The following ZMIZ1 variants were observed in gnomAD, a reference collection of about 807,000 sequenced individuals.
ZMIZ1 encodes zinc finger MIZ domain-containing protein 1.
In ZMIZ1, 17 loss-of-function variants were observed where a neutral mutation model predicts 113.9. That is an observed-to-expected ratio of 0.15 (90% CI 0.10 to 0.22). The LOEUF is 0.22. Ranked by LOEUF, ZMIZ1 falls within the 10% of genes least tolerant of loss-of-function variation. ZMIZ1 has a pLI of 1.00. For synonymous variants in ZMIZ1, 607 were observed against 603.1 expected (o/e 1.01, Z -0.09); for missense variants, 1,059 against 1,477.8 (o/e 0.72, Z 4.65).
rs775529229 is a variant in ZMIZ1, at chr10:79,201,724, G to A, written c.60+32G>A. The A allele has an allele frequency of 2.9e-5, 46 of 1,607,172 alleles. No homozygotes were observed. In the East Asian group the frequency reaches 3.3e-4, roughly 12 times the overall value. On this transcript the variant is annotated intron_variant, in intron 5 of 24. Transcript: ENST00000334512. Reference sequence around the variant, plus strand: ...GTGGGGCAAGGCACACTCCGAGGGCGGGGCAGATGGGGCGGGCTGCAGCAG... The same window carrying A: ...GTGGGGCAAGGCACACTCCGAGGGCAGGGCAGATGGGGCGGGCTGCAGCAG...
intron 14 of ZMIZ1, 67 bp downstream of exon 14, chr10:79,297,757 T>C (rs1283018232): frequency 2.8e-6 from 4 of 1,422,838 alleles, no homozygotes; most frequent in Admixed American, 1.7e-5. Flanking sequence ...GTTCTCACTG[T>C]TCCTGCTCCA....
intron 1 of ZMIZ1, among the ~76,000 whole-genome samples, chr10:79,096,680 C>T (rs1192476423): frequency 6.6e-6 from 1 of 152,144 alleles, no homozygotes; most frequent in Non-Finnish European, 1.5e-5. Flanking sequence ...TCAGTCAATG[C>T]CTGCTTTCAG....
chr10:79,312,966 C>T lies in ZMIZ1; in HGVS notation c.*217C>T, dbSNP rs1441410470. 2 of 572,276 alleles carry T rather than the reference C, an allele frequency of 3.5e-6. No homozygotes were observed. Among genetic ancestry groups the T allele is most frequent in the Non-Finnish European group, 3.1e-6 (1 of 320,514 alleles). 35.4% of individuals were successfully genotyped at this position (572,276 alleles called of 1,614,324 possible). The stretch of plus-strand genomic sequence containing the variant: ...GGCTGTGTGGGTCTGGAGCCCACGT[C>T]CCACCTCCACACCCTTGGCTTGGGC... On this transcript the variant is annotated 3_prime_UTR_variant, in exon 25 of 25. Transcript: ENST00000334512.
rs1392174518 is a variant in ZMIZ1, at chr10:79,296,373, TGAG to T, written c.1231-94_1231-92del. On this transcript the variant is annotated intron_variant, in intron 12 of 24. Coordinates refer to ENST00000334512, the MANE Select transcript of ZMIZ1 (RefSeq NM_020338.4). The surrounding 1 kb of genome is among the most constrained non-coding windows in gnomAD (Gnocchi z 4.1). ...GTGGGTGGGAAACAGCAGGAGCAAA[TGAG>T]GAGAGGCGGGCCCCATCCCGTTGTT... 7.5e-7 allele frequency: 1 copy of T among 1,327,028 alleles called. No individual in the cohort carries two copies. Among genetic ancestry groups the T allele is most frequent in the South Asian group, 1.3e-5 (1 of 79,116 alleles). The allele number at this position is 1,327,028 out of a possible 1,614,324, so 82.2% of individuals were successfully genotyped here. A position where few individuals can be genotyped will look rare whatever the true frequency, so the allele number is the denominator to read the frequency against.
chr10:79,101,722 C>T (rs536035456), intron 1 of ZMIZ1, among the ~76,000 whole-genome samples: 36 of 152,244 alleles, frequency 2.4e-4, no homozygotes, highest in African/African-American at 7.5e-4. Context: ...GGCCAGGTGA[C>T]GGCCGTCCTG....
intron 4 of ZMIZ1, among the ~76,000 whole-genome samples, chr10:79,196,323 C>T (rs181489545): frequency 2.4e-4 from 37 of 152,354 alleles, no homozygotes; most frequent in African/African-American, 8.4e-4. Context: ...CCCAGACACT[C>T]ACCCCTCGGT....
intron 4 of ZMIZ1, among the ~76,000 whole-genome samples, chr10:79,172,488 C>G (rs1459268728): frequency 6.6e-6 from 1 of 152,170 alleles, no homozygotes; most frequent in Non-Finnish European, 1.5e-5. Flanking sequence ...TTTATTTGAT[C>G]CCAGTGACAC....
intron 1 of ZMIZ1, among the ~76,000 whole-genome samples, chr10:79,100,418 C>T (rs933762140): frequency 9.3e-5 from 12 of 129,090 alleles, no homozygotes; most frequent in Non-Finnish European, 1.9e-4. Flanking sequence ...ACATCCTGGG[C>T]AACATAGACA....
At chr10:79,233,088 C>T (rs963855134) in intron 7 of ZMIZ1, among the ~76,000 whole-genome samples, 3 of 152,198 alleles carry the variant, frequency 2.0e-5, no homozygotes, top group African/African-American at 7.2e-5. Context: ...AATTCAATTA[C>T]ACACCACACT....
At chr10:79,277,893 C>A (rs1342115640) in intron 8 of ZMIZ1, among the ~76,000 whole-genome samples, 1 of 152,240 alleles carries the variant, frequency 6.6e-6, no homozygotes, top group Non-Finnish European at 1.5e-5. Flanking sequence ...TCTTTTGAGT[C>A]CCTTGCTGAG....
At chr10:79,171,273 A>T (rs1239695118) in intron 4 of ZMIZ1, among the ~76,000 whole-genome samples, 3 of 152,210 alleles carry the variant, frequency 2.0e-5, no homozygotes. Flanking sequence ...CCAGAGAAGG[A>T]ATTCTTCACT....
chr10:79,130,617 T>C (rs899778976), intron 2 of ZMIZ1, among the ~76,000 whole-genome samples: 1 of 152,104 alleles, frequency 6.6e-6, no homozygotes, highest in Non-Finnish European at 1.5e-5. Flanking sequence ...GAAAGCGCCA[T>C]GGTTGGTGCA....
At chr10:79,157,368 GGTGTGTGTGTGTGT>G (rs10573955) in intron 3 of ZMIZ1, among the ~76,000 whole-genome samples, 3 of 147,700 alleles carry the variant, frequency 2.0e-5, no homozygotes, top group South Asian at 2.2e-4. Context: ...AGGCATAAGG[GGTGTGTGTGTGTGT>G]GTGTGTGTGT....
intron 7 of ZMIZ1, among the ~76,000 whole-genome samples, chr10:79,274,536 ATTAACC>A (rs1360354297): frequency 6.6e-6 from 1 of 152,218 alleles, no homozygotes; most frequent in Non-Finnish European, 1.5e-5. Flanking sequence ...GGGTGTTGTC[ATTAACC>A]CACGTTTGCC....
intron 7 of ZMIZ1, among the ~76,000 whole-genome samples, chr10:79,258,141 G>A (rs1851037367): frequency 6.6e-6 from 1 of 152,190 alleles, no homozygotes. Flanking sequence ...CAGCACTTTG[G>A]GAGGCTGAGA....
intron 1 of ZMIZ1, among the ~76,000 whole-genome samples, chr10:79,113,500 C>CA (rs1843841308): frequency 6.6e-6 from 1 of 152,226 alleles, no homozygotes; most frequent in Non-Finnish European, 1.5e-5. Flanking sequence ...CTGAATGTGA[C>CA]TGGTGCCTGG....
intron 1 of ZMIZ1, among the ~76,000 whole-genome samples, chr10:79,117,970 A>G (rs999484763): frequency 1.1e-4 from 17 of 152,088 alleles, no homozygotes; most frequent in African/African-American, 3.9e-4. Context: ...GCTGCCTTTC[A>G]TGGTTGACCT....
rs1249850992 is a variant in ZMIZ1, at chr10:79,069,616, G to C, written c.-337+346G>C. Among the ~76,000 whole-genome samples, 1 of 152,044 alleles carries C rather than the reference G, an allele frequency of 6.6e-6. No individual in the cohort carries two copies. Among genetic ancestry groups the C allele is most frequent in the Non-Finnish European group, 1.5e-5 (1 of 67,968 alleles). The stretch of plus-strand genomic sequence containing the variant: ...CCAGCCCTCGCTCCCTACACCCGGG[G>C]GCCGGGCAGGACCGGGAATCGGAGG... On this transcript the variant is annotated intron_variant, in intron 1 of 24. Coordinates refer to ENST00000334512, the MANE Select transcript of ZMIZ1 (RefSeq NM_020338.4). This position sits in a 1 kb window ranked among gnomAD's most constrained non-coding sequence, Gnocchi z 4.6.
intron 17 of ZMIZ1, among the ~76,000 whole-genome samples, chr10:79,301,169 G>A (rs1324281805): frequency 6.6e-6 from 1 of 152,078 alleles, no homozygotes; most frequent in Non-Finnish European, 1.5e-5. Flanking sequence ...CTTCAGACGT[G>A]GCCTCTTCCC....
Sources: allele counts gnomAD v4.1 joint callset (sites outside exome capture counted in the v4.1 genomes callset), GRCh38; gene constraint gnomAD v4.1.1; non-coding constraint Gnocchi (gnomAD v3.1); transcripts MANE v1.5; gene names NCBI Gene and HGNC (gene_info 2026-07-23, HGNC 2026-07-21).